FARS2: variants seen among roughly 807,000 people sequenced by gnomAD.
FARS2 encodes the protein phenylalanyl-tRNA synthetase 2, mitochondrial, also known as phenylalanine--tRNA ligase, mitochondrial.
Under a neutral mutation model 46.4 loss-of-function variants are expected in FARS2, and 40 were observed. That is an observed-to-expected ratio of 0.86 (90% CI 0.67 to 1.12). The LOEUF (loss-of-function observed/expected upper bound fraction) is 1.12. Ranked by LOEUF, FARS2 falls within the 50% of genes most tolerant of loss-of-function variation. The pLI is 0.00. For missense variants in FARS2, 513 were observed against 567.9 expected, an observed-to-expected ratio of 0.90 and a Z score of 0.98; for synonymous variants, 234 against 214.9, an observed-to-expected ratio of 1.09 and a Z score of -0.78.
At chr6:5,700,882 CCT>C (rs1385281471) in intron 6 of FARS2, among the ~76,000 whole-genome samples, 2 of 152,220 alleles carry the variant, frequency 1.3e-5, no homozygotes, top group Non-Finnish European at 2.9e-5. Flanking sequence ...GGGGAGCACT[CCT>C]CTGTCACTAC....
chr6:5,598,974 T>C (rs9378971), intron 5 of FARS2, among the ~76,000 whole-genome samples: 87,155 of 152,054 alleles, frequency 0.57, 25,355 homozygotes, highest in East Asian at 0.85. Flanking sequence ...GCCAGCTTTG[T>C]GTGGATTCAG....
At chr6:5,697,281 A>G in intron 6 of FARS2, among the ~76,000 whole-genome samples, 1 of 152,238 alleles carries the variant, frequency 6.6e-6, no homozygotes, top group East Asian at 1.9e-4. Flanking sequence ...TCTTTTTAAA[A>G]TTGAGTTATA....
intron 2 of FARS2, among the ~76,000 whole-genome samples, chr6:5,396,811 C>T (rs944973903): frequency 2.0e-5 from 3 of 152,130 alleles, no homozygotes; most frequent in African/African-American, 7.2e-5. Flanking sequence ...CAAACCTGGG[C>T]CCCTCACCTT....
chr6:5,358,358 A>T (rs894120480), intron 1 of FARS2, among the ~76,000 whole-genome samples: 1 of 152,272 alleles, frequency 6.6e-6, no homozygotes. Flanking sequence ...AATATTATGG[A>T]TAATTAATTA....
At chr6:5,310,995 CTCT>C (rs1451559943) in intron 1 of FARS2, among the ~76,000 whole-genome samples, 11 of 152,172 alleles carry the variant, frequency 7.2e-5, no homozygotes, top group East Asian at 1.9e-4. Context: ...TAAAAAGTTA[CTCT>C]TCTTCTGTGC....
At position 5,536,050 on chromosome 6, in the gene FARS2, C is replaced by CTTT. The variant is rs374395844; in HGVS notation, c.905-9113_905-9111dup. Among the ~76,000 whole-genome samples the CTTT allele has an allele frequency of 4.4e-4, 59 of 133,706 alleles. 1 individual carries two copies. The highest frequency in any genetic ancestry group is 1.4e-3 in the African/African-American group (49 of 34,730). 87.7% of individuals were successfully genotyped at this position (133,706 alleles called of 152,430 possible). Reference sequence around the variant, plus strand: ...CTTTAAACCTCTAGTTTTAATTTATCTTTTTTTTTTTTTTTTTTTGAGACG... The same window carrying CTTT: ...CTTTAAACCTCTAGTTTTAATTTATCTTTTTTTTTTTTTTTTTTTTTTGAGACG... On this transcript the variant is annotated intron_variant, in intron 4 of 6. Coordinates refer to ENST00000274680, the MANE Select transcript of FARS2 (RefSeq NM_006567.5).
Position 5,545,122 on chromosome 6 carries a change from A to G in FARS2, c.905-58A>G, listed in dbSNP as rs760048392. The stretch of plus-strand genomic sequence containing the variant: ...TCACTGATAACTGTCAGGGAGTGGT[A>G]TGAACCTATCCAATCTCGATACTTT... On this transcript the variant is annotated intron_variant, in intron 4 of 6. Coordinates refer to ENST00000274680, the MANE Select transcript of FARS2 (RefSeq NM_006567.5). The G allele has an allele frequency of 1.1e-5, 17 of 1,546,120 alleles. No individual in the cohort carries two copies. In the South Asian group the frequency reaches 1.9e-4, roughly 18 times the overall value.
chr6:5,524,955 C>T (rs1451583224), intron 4 of FARS2, among the ~76,000 whole-genome samples: 21 of 152,152 alleles, frequency 1.4e-4, no homozygotes, highest in Admixed American at 1.4e-3. Flanking sequence ...AGCTTTTTGT[C>T]ACTGGCCTGA....
At chr6:5,445,214 A>G (rs1257682619) in intron 4 of FARS2, among the ~76,000 whole-genome samples, 3 of 151,632 alleles carry the variant, frequency 2.0e-5, no homozygotes, top group Non-Finnish European at 2.9e-5. Context: ...GAAAAAGAGG[A>G]TGCTCATATA....
At chr6:5,753,874 C>T (rs1008471794) in intron 6 of FARS2, among the ~76,000 whole-genome samples, 3 of 152,200 alleles carry the variant, frequency 2.0e-5, no homozygotes, top group Non-Finnish European at 4.4e-5. Flanking sequence ...GCCTACATGT[C>T]ACATGCAGCT....
At chr6:5,274,815 A>G (rs889702890) in intron 1 of FARS2, among the ~76,000 whole-genome samples, 2 of 152,248 alleles carry the variant, frequency 1.3e-5, no homozygotes, top group African/African-American at 4.8e-5. Flanking sequence ...GGCTCAAGCA[A>G]TCCTTCTGCA....
intron 1 of FARS2, among the ~76,000 whole-genome samples, chr6:5,340,988 A>C (rs1771517015): frequency 6.6e-6 from 1 of 151,418 alleles, no homozygotes; most frequent in African/African-American, 2.4e-5. Flanking sequence ...TCTGCTAAAA[A>C]TACAAAAAAA....
chr6:5,666,730 C>A (rs1008702247), intron 6 of FARS2, among the ~76,000 whole-genome samples: 3 of 152,112 alleles, frequency 2.0e-5, no homozygotes. Flanking sequence ...TGGATATACA[C>A]CCAAAGGAAT....
chr6:5,505,027 T>C (rs1299494649), intron 4 of FARS2, among the ~76,000 whole-genome samples: 1 of 152,176 alleles, frequency 6.6e-6, no homozygotes, highest in Non-Finnish European at 1.5e-5. Context: ...AGAGTGATTA[T>C]ATAGATCCAT....
chr6:5,351,553 C>T lies in FARS2; in HGVS notation c.-21-16997C>T, dbSNP rs77788936. On this transcript the variant is annotated intron_variant, in intron 1 of 6. Coordinates refer to ENST00000274680, the MANE Select transcript of FARS2 (RefSeq NM_006567.5). Reference sequence around the variant, plus strand: ...TTGACAGAGATTAACTGATCCCCCCCACAACAAACTACATTTCTTATTTTC... The same window carrying T: ...TTGACAGAGATTAACTGATCCCCCCTACAACAAACTACATTTCTTATTTTC... Among the ~76,000 whole-genome samples, 1,196 of 152,266 alleles carry T rather than the reference C, an allele frequency of 7.9e-3. 7 individuals carry two copies. Among genetic ancestry groups the T allele is most frequent in the Non-Finnish European group, 0.013 (891 of 68,014 alleles).
intron 4 of FARS2, among the ~76,000 whole-genome samples, chr6:5,442,430 T>C (rs1049205070): frequency 2.1e-5 from 3 of 146,322 alleles, no homozygotes; most frequent in East Asian, 2.0e-4. Flanking sequence ...CACACACACA[T>C]TTCTTTTTTT....
chr6:5,532,914 G>C (rs1216956297), intron 4 of FARS2, among the ~76,000 whole-genome samples: 1 of 152,004 alleles, frequency 6.6e-6, no homozygotes, highest in African/African-American at 2.4e-5. Flanking sequence ...CTTTTGACAA[G>C]GAAGGAAAAA....
At chr6:5,312,519 A>G (rs570932698) in intron 1 of FARS2, among the ~76,000 whole-genome samples, 1 of 152,214 alleles carries the variant, frequency 6.6e-6, no homozygotes, top group Non-Finnish European at 1.5e-5. Context: ...AGGAAATATC[A>G]AAACTTCAAA....
intron 4 of FARS2, among the ~76,000 whole-genome samples, chr6:5,439,637 G>T (rs555009203): frequency 6.6e-6 from 1 of 152,168 alleles, no homozygotes; most frequent in Non-Finnish European, 1.5e-5. Context: ...CTGTAGTTTG[G>T]GTTGTGAATG....
Sources: gnomAD v4.1 joint callset for allele counts (sites outside exome capture counted in the v4.1 genomes callset) on GRCh38, gnomAD v4.1.1 for gene constraint, MANE v1.5 for transcripts, NCBI Gene and HGNC (gene_info 2026-07-23, HGNC 2026-07-21) for gene names.